CLYBL: variants seen among roughly 807,000 people sequenced by gnomAD.
CLYBL encodes citramalyl-CoA lyase, mitochondrial.
CLYBL carries 31 observed loss-of-function variants against 38.9 expected under a neutral mutation model. The observed-to-expected ratio is 0.80, with a 90% CI of 0.60 to 1.08. The LOEUF is 1.08. Among genes scored for constraint, CLYBL ranks in the 50% least tolerant of loss-of-function variants. CLYBL has a pLI of 0.00. For synonymous variants in CLYBL, 171 were observed against 158.6 expected (o/e 1.08, Z -0.59); for missense variants, 434 against 411.6 (o/e 1.05, Z -0.47).
At chr13:99,732,169 GTTTTTTT>G (rs35027014) in intron 1 of CLYBL, among the ~76,000 whole-genome samples, 5 of 90,780 alleles carry the variant, frequency 5.5e-5, no homozygotes, top group Admixed American at 1.4e-4. Context: ...TTATATGGCA[GTTTTTTT>G]TTTTTTTTTT....
intron 2 of CLYBL, among the ~76,000 whole-genome samples, chr13:99,816,591 G>C (rs1183827333): frequency 2.6e-5 from 4 of 152,210 alleles, no homozygotes; most frequent in Admixed American, 2.6e-4. Context: ...ATTAGGTCAT[G>C]AGATGGAGCC....
chr13:99,700,147 C>T (rs1223697638), intron 1 of CLYBL, among the ~76,000 whole-genome samples: 1 of 152,162 alleles, frequency 6.6e-6, no homozygotes, highest in Non-Finnish European at 1.5e-5. Context: ...AACAAACACA[C>T]CCACGGTGTA....
intron 1 of CLYBL, among the ~76,000 whole-genome samples, chr13:99,738,779 T>A (rs148733664): frequency 1.3e-3 from 200 of 149,494 alleles, no homozygotes; most frequent in African/African-American, 4.7e-3. Flanking sequence ...GATAAATTCT[T>A]GTGAAAAGAA....
In CLYBL at chr13:99,625,998, T is replaced by C. The variant is rs1422735632; in HGVS notation, c.62+19241T>C. ...GGTGGCTGGCTGCGTGGAAGAGGCCTGGGAGGAGTAATTCCACCAGTATTG... is the reference window on the plus strand; with the variant it reads ...GGTGGCTGGCTGCGTGGAAGAGGCCCGGGAGGAGTAATTCCACCAGTATTG... On this transcript the variant is annotated intron_variant, in intron 1 of 8. Transcript: ENST00000339105. Among the ~76,000 whole-genome samples the C allele has an allele frequency of 2.0e-5, 3 of 152,342 alleles. No homozygotes were observed. In the East Asian group the frequency reaches 5.8e-4, roughly 29 times the overall value.
intron 1 of CLYBL, among the ~76,000 whole-genome samples, chr13:99,723,863 CT>C (rs1341953536): frequency 3.9e-5 from 6 of 152,104 alleles, no homozygotes; most frequent in Admixed American, 2.6e-4. Context: ...TTTCAGTGAT[CT>C]TTTTTGTGAC....
At chr13:99,816,934 G>A (rs1449112645) in intron 2 of CLYBL, among the ~76,000 whole-genome samples, 1 of 152,168 alleles carries the variant, frequency 6.6e-6, no homozygotes, top group Non-Finnish European at 1.5e-5. Flanking sequence ...AACGTGCGCT[G>A]CGGATAGGGT....
chr13:99,709,923 CTTTT>C (rs373484721), intron 1 of CLYBL, among the ~76,000 whole-genome samples: 43 of 110,474 alleles, frequency 3.9e-4, no homozygotes, highest in African/African-American at 1.5e-3. Flanking sequence ...TTCTTTCTTT[CTTTT>C]TTTTTTTTTT....
In CLYBL at chr13:99,831,128, C is replaced by T. The variant is rs7986698; in HGVS notation, c.250-27733C>T. On this transcript the variant is annotated intron_variant, in intron 2 of 8. Coordinates refer to ENST00000339105, the MANE Select transcript of CLYBL (RefSeq NM_206808.5). ...CGGCAGCTGCAGGGACTGCCAGCAG[C>T]CAGCAGGAGCTGCAGGAGGCAAGGA... is the stretch of plus-strand genomic sequence containing the variant. Among the ~76,000 whole-genome samples, 1,156 of 152,274 alleles carry T rather than the reference C, an allele frequency of 7.6e-3. 10 individuals are homozygous for T. The highest frequency in any genetic ancestry group is 0.026 in the African/African-American group (1,091 of 41,550).
At chr13:99,614,940 A>G (rs953197940) in intron 1 of CLYBL, among the ~76,000 whole-genome samples, 1 of 151,800 alleles carries the variant, frequency 6.6e-6, no homozygotes, top group South Asian at 2.1e-4. Flanking sequence ...CTTGCAAATA[A>G]CTCTCCTTAG....
chr13:99,835,576 G>A (rs868148828), intron 2 of CLYBL, among the ~76,000 whole-genome samples: 1 of 152,202 alleles, frequency 6.6e-6, no homozygotes, highest in East Asian at 1.9e-4. Flanking sequence ...AAACTCAAAG[G>A]AAAAGGAAGA....
chr13:99,694,075 A>G (rs1193312043), intron 1 of CLYBL, among the ~76,000 whole-genome samples: 1 of 152,222 alleles, frequency 6.6e-6, no homozygotes, highest in African/African-American at 2.4e-5. Flanking sequence ...AGCAGGATTT[A>G]TGGCTGGCGC....
chr13:99,848,310 T>G (rs1301211090), intron 2 of CLYBL, among the ~76,000 whole-genome samples: 1 of 152,170 alleles, frequency 6.6e-6, no homozygotes, highest in Non-Finnish European at 1.5e-5. Flanking sequence ...GATGATAAAT[T>G]CCCAGACTTC....
chr13:99,755,048 C>G (rs1389103220), intron 1 of CLYBL, among the ~76,000 whole-genome samples: 4 of 151,930 alleles, frequency 2.6e-5, no homozygotes, highest in Non-Finnish European at 5.9e-5. Context: ...CAGGCACCTG[C>G]CACCACGCCC....
intron 6 of CLYBL, among the ~76,000 whole-genome samples, chr13:99,868,261 A>C (rs935594935): frequency 2.6e-5 from 4 of 152,250 alleles, no homozygotes; most frequent in Admixed American, 6.5e-5. Context: ...AGAGGTAATC[A>C]ATCTGATAAT....
chr13:99,614,596 A>C (rs1185905982), intron 1 of CLYBL, among the ~76,000 whole-genome samples: 1 of 151,948 alleles, frequency 6.6e-6, no homozygotes, highest in African/African-American at 2.4e-5. Context: ...TCTGCCAACA[A>C]CTCAGCTGTG....
chr13:99,872,841 T>C (rs2051942646), intron 7 of CLYBL, among the ~76,000 whole-genome samples: 1 of 152,144 alleles, frequency 6.6e-6, no homozygotes, highest in African/African-American at 2.4e-5. Context: ...ATGAGGAAAA[T>C]GGCCCTTTTC....
chr13:99,888,618 T>A (rs1247037701), intron 7 of CLYBL, among the ~76,000 whole-genome samples: 1 of 152,012 alleles, frequency 6.6e-6, no homozygotes, highest in African/African-American at 2.4e-5. Context: ...CCAAACGTGG[T>A]GGCACGCACC....
chr13:99,803,946 AG>A (rs1214131255), intron 2 of CLYBL, among the ~76,000 whole-genome samples: 2 of 152,062 alleles, frequency 1.3e-5, no homozygotes, highest in African/African-American at 2.4e-5. Flanking sequence ...GCTGGAGTGC[AG>A]GTCTCGTAGC....
At chr13:99,842,454 CGTT>C (rs1263656018) in intron 2 of CLYBL, among the ~76,000 whole-genome samples, 4 of 152,162 alleles carry the variant, frequency 2.6e-5, no homozygotes, top group Non-Finnish European at 5.9e-5. Flanking sequence ...GGCTGCCTCT[CGTT>C]GTCTGTGAGT....
Sources: gnomAD v4.1 joint callset for allele counts (sites outside exome capture counted in the v4.1 genomes callset) on GRCh38, gnomAD v4.1.1 for gene constraint, MANE v1.5 for transcripts, NCBI Gene and HGNC (gene_info 2026-07-23, HGNC 2026-07-21) for gene names.